Variants in MYO3A observed in about 807,000 individuals in gnomAD.
MYO3A encodes the protein myosin-IIIa.
MYO3A carries 180 observed loss-of-function variants against 192.7 expected under a neutral mutation model. The observed-to-expected ratio is 0.93, with a 90% CI of 0.83 to 1.06. The LOEUF (loss-of-function observed/expected upper bound fraction) is 1.06. MYO3A is among the 50% of genes least tolerant of loss of function. MYO3A has a pLI of 0.00. For missense variants in MYO3A, 1,896 were observed against 1,905.0 expected, an observed-to-expected ratio of 1.00 and a Z score of 0.09; for synonymous variants, 628 against 645.3, an observed-to-expected ratio of 0.97 and a Z score of 0.41.
At chr10:26,039,021 TTTTG>T (rs138198989) in intron 10 of MYO3A, among the ~76,000 whole-genome samples, 10,839 of 150,576 alleles carry the variant, frequency 0.072, 632 homozygotes, top group African/African-American at 0.17. Context: ...ATGAATGAGT[TTTTG>T]TTTGTTTGTT....
chr10:26,015,519 C>G (rs1841940566), intron 6 of MYO3A, among the ~76,000 whole-genome samples: 1 of 152,110 alleles, frequency 6.6e-6, no homozygotes, highest in Non-Finnish European at 1.5e-5. Flanking sequence ...GTAAAAATAT[C>G]ATTTGTCCTC....
At chr10:26,177,726 G>A (rs190024884) in intron 31 of MYO3A, among the ~76,000 whole-genome samples, 82 of 152,214 alleles carry the variant, frequency 5.4e-4, no homozygotes, top group Admixed American at 4.7e-3. Context: ...TCACTGCCCC[G>A]TTCAGGGATC....
chr10:26,115,919 A>G (rs998124787), intron 17 of MYO3A, among the ~76,000 whole-genome samples: 11 of 152,196 alleles, frequency 7.2e-5, no homozygotes, highest in Non-Finnish European at 1.2e-4. Context: ...TTCAAATTAA[A>G]GTCATAAGTG....
intron 23 of MYO3A, among the ~76,000 whole-genome samples, chr10:26,152,685 C>G (rs542514120): frequency 6.6e-6 from 1 of 152,250 alleles, no homozygotes. Flanking sequence ...TAAATTTAAG[C>G]GAAATTCCTG....
chr10:26,204,122 AAAG>A lies in MYO3A; in HGVS notation c.4730+1020_4730+1022del, dbSNP rs1468360112. 2.0e-5 allele frequency: 3 copies of A among 152,278 alleles called. No homozygotes were observed. In the East Asian group the frequency reaches 5.8e-4, roughly 29 times the overall value. The allele number at this position is 152,278 out of a possible 1,614,324, so 9.4% of individuals were successfully genotyped here. A position where few individuals can be genotyped will look rare whatever the true frequency, so the allele number is the denominator to read the frequency against. On this transcript the variant is annotated intron_variant, in intron 34 of 34. Coordinates refer to ENST00000642920, the MANE Select transcript of MYO3A (RefSeq NM_017433.5). ...CTATGATATTTGCCCTTTGCCTCCA[AAAG>A]AAGATGTGCTCTTCCATCTTGGGAT...
At chr10:26,127,317 A>G (rs1016583392) in intron 19 of MYO3A, among the ~76,000 whole-genome samples, 1 of 152,136 alleles carries the variant, frequency 6.6e-6, no homozygotes, top group Non-Finnish European at 1.5e-5. Context: ...TTATGCAATG[A>G]GTTAAATATT....
chr10:26,097,224 A>G (rs1219348501), intron 17 of MYO3A, among the ~76,000 whole-genome samples: 6 of 152,032 alleles, frequency 3.9e-5, no homozygotes, highest in African/African-American at 7.2e-5. Context: ...CCTACTTTCT[A>G]TCACTATAAA....
chr10:25,991,364 G>T (rs1392681541), intron 4 of MYO3A, among the ~76,000 whole-genome samples: 2 of 152,010 alleles, frequency 1.3e-5, no homozygotes, highest in Non-Finnish European at 2.9e-5. Flanking sequence ...GGGGTTGTTT[G>T]TTTTTTTCTT....
intron 20 of MYO3A, among the ~76,000 whole-genome samples, chr10:26,135,979 AAAAAAG>A (rs1839826145): frequency 6.6e-6 from 1 of 151,450 alleles, no homozygotes; most frequent in Non-Finnish European, 1.5e-5. Flanking sequence ...AAAAAAAAAA[AAAAAAG>A]AACAGAAACT....
At chr10:26,160,707 C>T (rs1473696614) in intron 26 of MYO3A, among the ~76,000 whole-genome samples, 8 of 151,952 alleles carry the variant, frequency 5.3e-5, no homozygotes, top group Admixed American at 1.3e-4. Flanking sequence ...AAGGAGGGTA[C>T]GGCTTATGGA....
chr10:26,005,199 A>G (rs918032031), intron 6 of MYO3A, among the ~76,000 whole-genome samples: 1 of 152,210 alleles, frequency 6.6e-6, no homozygotes, highest in African/African-American at 2.4e-5. Flanking sequence ...AGAGGATGCA[A>G]TGAGAAGACC....
chr10:26,112,806 C>T (rs1838273225), intron 17 of MYO3A, among the ~76,000 whole-genome samples: 2 of 152,106 alleles, frequency 1.3e-5, no homozygotes, highest in Middle Eastern at 3.2e-3. Context: ...ACCGTTAAAC[C>T]ATATGATTTC....
intron 17 of MYO3A, among the ~76,000 whole-genome samples, chr10:26,104,068 T>G (rs566631617): frequency 3.3e-5 from 5 of 152,058 alleles, no homozygotes; most frequent in Non-Finnish European, 7.4e-5. Flanking sequence ...TTGTAGAAAT[T>G]TTTTATAATC....
At chr10:26,169,543 C>G (rs1211661185) in intron 28 of MYO3A, among the ~76,000 whole-genome samples, 1 of 152,138 alleles carries the variant, frequency 6.6e-6, no homozygotes, top group Non-Finnish European at 1.5e-5. Flanking sequence ...CTAGTCTATT[C>G]CATTTCATTT....
chr10:26,022,960 A>C (rs964949596), intron 8 of MYO3A: 3 of 152,202 alleles, frequency 2.0e-5, no homozygotes, highest in African/African-American at 7.2e-5. Context: ...AGAAAAAGGG[A>C]ATCTGAAAAG....
chr10:26,031,415 G>A (rs899667716), intron 10 of MYO3A, among the ~76,000 whole-genome samples: 1 of 152,292 alleles, frequency 6.6e-6, no homozygotes, highest in Non-Finnish European at 1.5e-5. Flanking sequence ...CTGACTTTGA[G>A]CTTTATGTTG....
intron 34 of MYO3A, among the ~76,000 whole-genome samples, chr10:26,206,911 C>A (rs1843984514): frequency 6.6e-6 from 1 of 152,100 alleles, no homozygotes; most frequent in African/African-American, 2.4e-5. Flanking sequence ...GGTGTGAGAT[C>A]TCATTGTGTT....
chr10:26,120,922 C>A, intron 18 of MYO3A, 120 bp downstream of exon 18: 3 of 1,282,324 alleles, frequency 2.3e-6, no homozygotes, highest in Non-Finnish European at 3.3e-6. Flanking sequence ...AAAGAATACT[C>A]AGATTTAATG....
At chr10:26,033,699 G>A (rs1842903568) in intron 10 of MYO3A, among the ~76,000 whole-genome samples, 1 of 152,114 alleles carries the variant, frequency 6.6e-6, no homozygotes, top group South Asian at 2.1e-4. Context: ...AACAGGATAA[G>A]ACAAGAACAT....
Sources: gnomAD v4.1 joint callset for allele counts (sites outside exome capture counted in the v4.1 genomes callset) on GRCh38, gnomAD v4.1.1 for gene constraint, MANE v1.5 for transcripts, NCBI Gene and HGNC (gene_info 2026-07-23, HGNC 2026-07-21) for gene names.